Variants in EPHB1 observed in about 807,000 individuals in gnomAD.
EPHB1 encodes the protein EPH receptor B1.
Under a neutral mutation model 94.4 loss-of-function variants are expected in EPHB1, and 30 were observed. The ratio of observed to expected loss-of-function variants is 0.32; its 90% CI spans 0.24 to 0.43. The LOEUF (loss-of-function observed/expected upper bound fraction) is 0.43. Among genes scored for constraint, EPHB1 ranks in the 20% least tolerant of loss-of-function variants. The pLI is 1.00. For missense variants in EPHB1, 1,055 were observed against 1,308.3 expected (o/e 0.81, Z 2.99); for synonymous variants, 522 against 489.1 (o/e 1.07, Z -0.89).
At chr3:134,856,508 C>A (rs2037121963) in intron 1 of EPHB1, among the ~76,000 whole-genome samples, 1 of 152,166 alleles carries the variant, frequency 6.6e-6, no homozygotes, top group African/African-American at 2.4e-5. Flanking sequence ...TTTTTTAAAA[C>A]TTTACTGTAT....
chr3:135,197,896 A>G lies in EPHB1; in HGVS notation c.2131-3578A>G, dbSNP rs567641765. Among the ~76,000 whole-genome samples the G allele has an allele frequency of 3.9e-3, 598 of 152,304 alleles. 4 individuals are homozygous for G. The highest frequency in any genetic ancestry group is 5.4e-3 in the Non-Finnish European group (364 of 68,022). ...AAGTTCTTTTTGGAGAATTATGCCAATCAACTGAGCATGTAACAGTTAAAC... is the reference window on the plus strand; with the variant it reads ...AAGTTCTTTTTGGAGAATTATGCCAGTCAACTGAGCATGTAACAGTTAAAC... On this transcript the variant is annotated intron_variant, in intron 11 of 15. Transcript: ENST00000398015.
chr3:135,107,988 A>C (rs1174189383), intron 4 of EPHB1, among the ~76,000 whole-genome samples: 1 of 152,186 alleles, frequency 6.6e-6, no homozygotes, highest in East Asian at 1.9e-4. Flanking sequence ...TGTTTAATGT[A>C]CTTCTTTAGA....
chr3:134,892,174 G>A (rs2037997221), intron 1 of EPHB1, among the ~76,000 whole-genome samples: 1 of 152,184 alleles, frequency 6.6e-6, no homozygotes, highest in Non-Finnish European at 1.5e-5. Flanking sequence ...GTTCTAAGTG[G>A]TAGTTGAGCT....
rs2107713126 is a variant in EPHB1 at position 135,201,633 on chromosome 3, G to A, written c.2290G>A (p.Gly764Ser). 1 of 1,613,908 alleles carries A rather than the reference G, an allele frequency of 6.2e-7. No individual in the cohort carries two copies. Among genetic ancestry groups the A allele is most frequent in the Non-Finnish European group, 8.5e-7 (1 of 1,179,972 alleles). Reference sequence around the variant, plus strand: ...CCTGGTGTGCAAGGTGTCCGACTTTGGCCTCTCCCGCTACCTCCAGGATGA... The same window carrying A: ...CCTGGTGTGCAAGGTGTCCGACTTTAGCCTCTCCCGCTACCTCCAGGATGA... ...SNLVCKVSDF[G>S]LSRYLQDDTS... Residue 764 changes from glycine to serine, a missense_variant, in exon 12 of 16, where the codon GGC becomes AGC. Gly to Ser is a moderately conservative substitution (Grantham distance 56, BLOSUM62 0). Coordinates refer to ENST00000398015, the MANE Select transcript of EPHB1 (RefSeq NM_004441.5).
Position 135,130,034 on chromosome 3 carries a change from G to C in EPHB1, c.962-2680G>C, listed in dbSNP as rs368336392. ...CCATTTTGGATAGTCAGGAAGCAGG[G>C]GGGAAATTGTGCAGAAGAACGCTAT... On this transcript the variant is annotated intron_variant, in intron 4 of 15. Coordinates refer to ENST00000398015, the MANE Select transcript of EPHB1 (RefSeq NM_004441.5). Among the ~76,000 whole-genome samples the C allele has an allele frequency of 2.2e-4, 33 of 152,270 alleles. No homozygotes were observed. The East Asian group carries it at 3.3e-3, about 15-fold the overall frequency.
intron 1 of EPHB1, among the ~76,000 whole-genome samples, chr3:134,922,247 G>A (rs1255530975): frequency 6.6e-6 from 1 of 152,170 alleles, no homozygotes; most frequent in Non-Finnish European, 1.5e-5. Flanking sequence ...AAATGAGTGC[G>A]CTCTTCCTCT....
At chr3:135,041,182 A>G (rs1270790231) in intron 3 of EPHB1, among the ~76,000 whole-genome samples, 2 of 152,032 alleles carry the variant, frequency 1.3e-5, no homozygotes, top group Non-Finnish European at 2.9e-5. Flanking sequence ...CATACTGAGA[A>G]CTTTCAGCCT....
Position 135,192,667 on chromosome 3 carries a change from G to T in EPHB1, c.1974G>T (p.Ser658=). Residue 658 remains serine, a synonymous_variant, in exon 11 of 16, where the codon TCG becomes TCT. Coordinates refer to ENST00000398015, the MANE Select transcript of EPHB1 (RefSeq NM_004441.5). Reference sequence around the variant, plus strand: ...TCAAGACCCTGAAGGCAGGGTACTCGGAGAAGCAGCGTCGGGACTTTCTGA... The same window carrying T: ...TCAAGACCCTGAAGGCAGGGTACTCTGAGAAGCAGCGTCGGGACTTTCTGA... ...VAIKTLKAGY[S]EKQRRDFLSE... 1 of 1,614,176 alleles carries T rather than the reference G, an allele frequency of 6.2e-7. No homozygotes were observed. The highest frequency in any genetic ancestry group is 8.5e-7 in the Non-Finnish European group (1 of 1,180,026).
chr3:134,821,845 A>G (rs547460347), intron 1 of EPHB1, among the ~76,000 whole-genome samples: 1 of 152,192 alleles, frequency 6.6e-6, no homozygotes, highest in East Asian at 1.9e-4. Context: ...GCCCTTCTCA[A>G]TCTCCCTTTT....
At chr3:135,121,727 TG>T (rs961107464) in intron 4 of EPHB1, among the ~76,000 whole-genome samples, 2 of 151,804 alleles carry the variant, frequency 1.3e-5, no homozygotes, top group African/African-American at 4.8e-5. Context: ...GAGGTCTGCT[TG>T]GGGTCTCAGG....
chr3:134,961,705 A>G (rs1933527840), intron 3 of EPHB1, among the ~76,000 whole-genome samples: 1 of 152,218 alleles, frequency 6.6e-6, no homozygotes, highest in Admixed American at 6.5e-5. Flanking sequence ...GAAGTTTAAC[A>G]GTAGTTTGGT....
In EPHB1 at chr3:135,130,745, C is replaced by A. The variant is rs572552144; in HGVS notation, c.962-1969C>A. Among the ~76,000 whole-genome samples, 17 of 152,264 alleles carry A rather than the reference C, an allele frequency of 1.1e-4. No homozygotes were observed. The East Asian group carries it at 3.3e-3, about 29-fold the overall frequency. ...CCCGAGGCTGCTTTCTGAGTGATAG[C>A]CTCAGGATGTCCCAAGGATGCAGTG... is the stretch of plus-strand genomic sequence containing the variant. On this transcript the variant is annotated intron_variant, in intron 4 of 15. Coordinates refer to ENST00000398015, the MANE Select transcript of EPHB1 (RefSeq NM_004441.5).
At chr3:135,088,688 A>T (rs1310217240) in intron 3 of EPHB1, among the ~76,000 whole-genome samples, 4 of 152,226 alleles carry the variant, frequency 2.6e-5, no homozygotes, top group Non-Finnish European at 5.9e-5. Context: ...ACTTTCTCCC[A>T]GAAGTCACAT....
intron 3 of EPHB1, among the ~76,000 whole-genome samples, chr3:135,000,083 A>T (rs1935126844): frequency 6.6e-6 from 1 of 152,108 alleles, no homozygotes; most frequent in Admixed American, 6.5e-5. Flanking sequence ...CATCCTGCCC[A>T]CCTCCTCACT....
intron 3 of EPHB1, among the ~76,000 whole-genome samples, chr3:135,048,064 A>G (rs1042575353): frequency 4.6e-5 from 7 of 152,038 alleles, no homozygotes; most frequent in Non-Finnish European, 1.0e-4. Context: ...AGAGCTAGAG[A>G]CAGTGGAGTG....
intron 6 of EPHB1, among the ~76,000 whole-genome samples, chr3:135,159,878 C>A (rs1344508159): frequency 2.6e-5 from 4 of 152,228 alleles, no homozygotes; most frequent in African/African-American, 9.6e-5. Flanking sequence ...TACTTGCAGT[C>A]TCCTGAACTC....
chr3:135,113,701 G>A (rs1939559538), intron 4 of EPHB1, among the ~76,000 whole-genome samples: 1 of 152,130 alleles, frequency 6.6e-6, no homozygotes, highest in Non-Finnish European at 1.5e-5. Context: ...CGGTCCTTAA[G>A]GACCAATGCT....
At chr3:135,234,969 C>T (rs557327663) in intron 12 of EPHB1, among the ~76,000 whole-genome samples, 2 of 152,202 alleles carry the variant, frequency 1.3e-5, no homozygotes, top group Non-Finnish European at 2.9e-5. Context: ...TACTTCCTCA[C>T]CCAAGGAAGA....
chr3:134,940,741 T>A (rs530220097), intron 2 of EPHB1, among the ~76,000 whole-genome samples: 1 of 152,372 alleles, frequency 6.6e-6, no homozygotes, highest in Non-Finnish European at 1.5e-5. Flanking sequence ...TAGTTGTTAA[T>A]GCTACCTGAC....
Sources: gnomAD v4.1 joint callset for allele counts (sites outside exome capture counted in the v4.1 genomes callset) on GRCh38, gnomAD v4.1.1 for gene constraint, MANE v1.5 for transcripts, NCBI Gene and HGNC (gene_info 2026-07-23, HGNC 2026-07-21) for gene names.